The following MYZAP variants were observed in gnomAD, a reference collection of about 807,000 sequenced individuals.
MYZAP encodes the protein GRINL1A complex locus upstream.
A neutral mutation model predicts 69.4 loss-of-function variants in MYZAP; 66 were observed. The ratio of observed to expected loss-of-function variants is 0.95; its 90% CI spans 0.78 to 1.17. The LOEUF (loss-of-function observed/expected upper bound fraction) is 1.17, where lower values mean the gene tolerates loss of function less well. Among genes scored for constraint, MYZAP ranks in the 50% most tolerant of loss-of-function variants. The probability of loss-of-function intolerance (pLI) is 0.00; values close to 1 mark genes in which losing one functional copy is unlikely to be tolerated. For missense variants in MYZAP, 611 were observed against 556.2 expected (o/e 1.10, Z -0.99); for synonymous variants, 256 against 205.9 (o/e 1.24, Z -2.09).
At chr15:57,626,987 G>A (rs2036173922) in intron 5 of MYZAP, among the ~76,000 whole-genome samples, 2 of 151,884 alleles carry the variant, frequency 1.3e-5, no homozygotes, top group Admixed American at 1.3e-4. Context: ...TTGCTCAGCA[G>A]CCTTTGTTTT....
chr15:57,622,638 T>C (rs73422887), intron 4 of MYZAP, among the ~76,000 whole-genome samples: 2,533 of 152,126 alleles, frequency 0.017, 65 homozygotes, highest in African/African-American at 0.055. Flanking sequence ...GGAAGGAAAA[T>C]GGACTAGTCA....
chr15:57,677,736 A>G (rs140557846), intron 12 of MYZAP, among the ~76,000 whole-genome samples: 1,609 of 152,348 alleles, frequency 0.011, 81 homozygotes, highest in Admixed American at 0.084. Flanking sequence ...TGGAACAGTC[A>G]GGGAGGCTCA....
chr15:57,627,592 TC>T (rs1485889986), intron 5 of MYZAP, among the ~76,000 whole-genome samples: 3 of 152,042 alleles, frequency 2.0e-5, no homozygotes, highest in Admixed American at 6.6e-5. Context: ...CCCAGCCTCT[TC>T]CACTGGCCCA....
At chr15:57,634,936 C>A (rs1185763057) in intron 8 of MYZAP, among the ~76,000 whole-genome samples, 1 of 152,100 alleles carries the variant, frequency 6.6e-6, no homozygotes, top group East Asian at 1.9e-4. Flanking sequence ...GAGCTTCCTC[C>A]CACATTATTG....
At chr15:57,607,267 T>A (rs2034813554) in intron 2 of MYZAP, among the ~76,000 whole-genome samples, 1 of 152,118 alleles carries the variant, frequency 6.6e-6, no homozygotes, top group Non-Finnish European at 1.5e-5. Context: ...CGTGAAAGGT[T>A]TCTGAGTGCC....
chr15:57,601,276 G>T (rs2034395838), intron 1 of MYZAP, among the ~76,000 whole-genome samples: 1 of 147,820 alleles, frequency 6.8e-6, no homozygotes, highest in South Asian at 2.1e-4. Context: ...GTGCACACTT[G>T]TGTGTGTGTG....
chr15:57,627,644 C>T (rs2036238645), intron 5 of MYZAP, among the ~76,000 whole-genome samples: 1 of 152,106 alleles, frequency 6.6e-6, no homozygotes, highest in Non-Finnish European at 1.5e-5. Context: ...AGACCAGACC[C>T]TTGGTTTGAT....
intron 3 of MYZAP, 37 bp from the exon 4 acceptor site, chr15:57,621,571 T>C (rs2035820149): frequency 1.2e-6 from 2 of 1,600,284 alleles, no homozygotes; most frequent in East Asian, 4.5e-5. Flanking sequence ...GAAAATGTTA[T>C]GGCTTGATCT....
At chr15:57,621,517 CCTT>C (rs1448005964) in intron 3 of MYZAP, 88 bp from the exon 4 acceptor site, 12 of 1,471,584 alleles carry the variant, frequency 8.2e-6, no homozygotes, top group African/African-American at 2.8e-5. Flanking sequence ...TGGCCGGGGT[CCTT>C]CTTTCTTTAG....
chr15:57,640,489 A>G (rs1389538901), intron 10 of MYZAP, among the ~76,000 whole-genome samples: 5 of 152,342 alleles, frequency 3.3e-5, no homozygotes, highest in Non-Finnish European at 7.4e-5. Context: ...TTTTCCTTAT[A>G]TTAAGTACTA....
chr15:57,648,791 T>G (rs1336694151), intron 10 of MYZAP, among the ~76,000 whole-genome samples: 2 of 151,692 alleles, frequency 1.3e-5, no homozygotes, highest in East Asian at 1.9e-4. Context: ...TCTGTTTTTT[T>G]TTTTTTTTTT....
At chr15:57,598,455 C>G (rs1269115851) in intron 1 of MYZAP, among the ~76,000 whole-genome samples, 3 of 152,138 alleles carry the variant, frequency 2.0e-5, no homozygotes, top group African/African-American at 7.2e-5. Context: ...GAGCGAGCGC[C>G]CATCATGTGT....
Position 57,632,468 on chromosome 15 carries a change from T to C in MYZAP, c.713T>C (p.Met238Thr). ...ESSQEANAEV[M>T]REMTKKLYSQ... is the part of the protein sequence containing the mutation. ...TCCCAAGAAGCCAATGCTGAGGTGA[T>C]GCGAGAGATGACCAAGAAGCTGTAC... The change falls in exon 7 of 13, where the codon ATG becomes ACG. Residue 238 changes from methionine (M) to threonine (T), a missense_variant. Coordinates refer to ENST00000267853, the MANE Select transcript of MYZAP (RefSeq NM_001018100.5). The C allele has an allele frequency of 6.2e-7, 1 of 1,614,154 alleles. No individual in the cohort carries two copies. The highest frequency in any genetic ancestry group is 1.7e-5 in the Admixed American group (1 of 60,030).
At chr15:57,601,562 G>A (rs2034415457) in intron 1 of MYZAP, among the ~76,000 whole-genome samples, 1 of 152,142 alleles carries the variant, frequency 6.6e-6, no homozygotes, top group African/African-American at 2.4e-5. Flanking sequence ...CTACCTGGTA[G>A]TATGGCTTGG....
chr15:57,678,062 A>G (rs2039232498), intron 12 of MYZAP, among the ~76,000 whole-genome samples: 1 of 145,168 alleles, frequency 6.9e-6, no homozygotes, highest in Non-Finnish European at 1.5e-5. Context: ...AAAAAAAAAA[A>G]GAAAAGAAAT....
intron 2 of MYZAP, among the ~76,000 whole-genome samples, chr15:57,615,479 A>G (rs868159005): frequency 1.3e-5 from 2 of 152,238 alleles, no homozygotes; most frequent in South Asian, 2.1e-4. Flanking sequence ...CAGGGGCAGG[A>G]TCCTCTGTGT....
intron 2 of MYZAP, among the ~76,000 whole-genome samples, chr15:57,615,457 C>T (rs2035374017): frequency 6.6e-6 from 1 of 152,198 alleles, no homozygotes; most frequent in Non-Finnish European, 1.5e-5. Context: ...GGCTTCATCT[C>T]CCTGCTTGGG....
chr15:57,631,875 G>T (rs2036527020), intron 6 of MYZAP, among the ~76,000 whole-genome samples: 1 of 152,192 alleles, frequency 6.6e-6, no homozygotes, highest in African/African-American at 2.4e-5. Flanking sequence ...GGAAGTCTGT[G>T]TGTGAGAACG....
intron 1 of MYZAP, among the ~76,000 whole-genome samples, chr15:57,603,223 C>G (rs1238445288): frequency 6.6e-6 from 1 of 152,118 alleles, no homozygotes; most frequent in African/African-American, 2.4e-5. Flanking sequence ...AGATGTCTTA[C>G]CAAAACTCAT....
Sources: gnomAD v4.1 joint callset for allele counts (sites outside exome capture counted in the v4.1 genomes callset) on GRCh38, gnomAD v4.1.1 for gene constraint, MANE v1.5 for transcripts, NCBI Gene and HGNC (gene_info 2026-07-23, HGNC 2026-07-21) for gene names.